RASAL1: variants seen among roughly 807,000 people sequenced by gnomAD.
RASAL1 encodes rasGAP-activating-like protein 1.
Under a neutral mutation model 96.6 loss-of-function variants are expected in RASAL1, and 72 were observed. The ratio of observed to expected loss-of-function variants is 0.75; its 90% CI spans 0.62 to 0.91. The LOEUF (loss-of-function observed/expected upper bound fraction) is 0.91. RASAL1 is among the 40% of genes least tolerant of loss of function. The pLI is 0.00. For missense variants in RASAL1, 1,016 were observed against 1,072.5 expected (o/e 0.95, Z 0.74); for synonymous variants, 405 against 430.4 (o/e 0.94, Z 0.73).
rs1466570475 is a variant in RASAL1, at chr12:113,119,391, A to G, written c.481T>C (p.Phe161Leu). Reference protein sequence around the residue: ...SGTSDPFARVFWGSQSLETST... With the variant: ...SGTSDPFARVLWGSQSLETST... ...GTCTCCAAGCTCTGGCTGCCCCAAA[A>G]CACACGTGCAAATGGGTCAGATGTG... The change falls in exon 6 of 21, where the codon TTT (phenylalanine) becomes CTT (leucine). Residue 161 changes from phenylalanine to leucine, a missense_variant. Phe to Leu is a conservative substitution (Grantham distance 22, BLOSUM62 0). Coordinates refer to ENST00000548055, the MANE Select transcript of RASAL1 (RefSeq NM_001301202.2). The G allele has an allele frequency of 2.5e-5, 41 of 1,611,844 alleles. No individual in the cohort carries two copies. The highest frequency in any genetic ancestry group is 3.2e-5 in the Non-Finnish European group (38 of 1,178,972).
Position 113,130,496 on chromosome 12 carries a change from G to GT in RASAL1, c.122+388_122+389insA, listed in dbSNP as rs1206652574. On this transcript the variant is annotated intron_variant, in intron 2 of 20. Transcript: ENST00000548055. This position sits in a 1 kb window ranked among gnomAD's most constrained non-coding sequence, Gnocchi z 5.1. Reference sequence around the variant, plus strand: ...CCCCTGCAACTCACAAGCAGGCCCAGCTGGGCGGGTGCACACACAGACACA... The same window carrying GT: ...CCCCTGCAACTCACAAGCAGGCCCAGTCTGGGCGGGTGCACACACAGACACA... Among the ~76,000 whole-genome samples, 2 of 152,112 alleles carry GT rather than the reference G, an allele frequency of 1.3e-5. No individual in the cohort carries two copies. The highest frequency in any genetic ancestry group is 3.9e-4 in the East Asian group (2 of 5,180).
intron 18 of RASAL1, 23 bp downstream of exon 18, chr12:113,103,922 CT>C (rs758792832): frequency 1.8e-5 from 28 of 1,545,650 alleles, no homozygotes; most frequent in Non-Finnish European, 5.2e-6. Flanking sequence ...AGGGCGGAGC[CT>C]GCAGTCCGCC....
intron 14 of RASAL1, among the ~76,000 whole-genome samples, chr12:113,107,864 C>G (rs2136128638): frequency 6.6e-6 from 1 of 152,330 alleles, no homozygotes; most frequent in African/African-American, 2.4e-5. Flanking sequence ...CTGTTTTCCA[C>G]TTTCCTTCTG....
intron 15 of RASAL1, 73 bp downstream of exon 15, chr12:113,107,024 G>A (rs1950669648): frequency 2.0e-6 from 3 of 1,467,782 alleles, no homozygotes; most frequent in South Asian, 2.6e-5. Flanking sequence ...AGCTGGAGGG[G>A]GAAAGGGGAA....
intron 4 of RASAL1, among the ~76,000 whole-genome samples, chr12:113,124,209 C>T (rs138820670): frequency 9.0e-6 from 1 of 111,548 alleles, no homozygotes; most frequent in African/African-American, 3.6e-5. Flanking sequence ...TAGAGCGAGA[C>T]TCTGTCTCAA....
In RASAL1 at chr12:113,115,262, C is replaced by A. The variant is rs377321618; in HGVS notation, c.1006G>T (p.Asp336Tyr). The stretch of plus-strand genomic sequence containing the variant: ...TTAGAACGGAAGAGGGTGTTGGGGT[C>A]CACTGGGAGGACAGGAGGAAGTGTT... ...LTRREVARTM[D>Y]PNTLFRSNSL... The change falls in exon 11 of 21, where the codon GAC (aspartate) becomes TAC (tyrosine). Residue 336 changes from aspartate (D) to tyrosine (Y), a missense_variant and splice_region_variant. Asp to Tyr is a radical substitution (Grantham distance 160). Transcript: ENST00000548055. The surrounding 1 kb of genome is among the most constrained non-coding windows in gnomAD (Gnocchi z 4.1). The A allele has an allele frequency of 9.9e-6, 16 of 1,613,190 alleles. No individual in the cohort carries two copies. The highest frequency in any genetic ancestry group is 1.4e-5 in the Non-Finnish European group (16 of 1,179,174).
At chr12:113,103,167 T>C (rs1950510378) in intron 18 of RASAL1, 2 of 157,696 alleles carry the variant, frequency 1.3e-5, no homozygotes, top group Admixed American at 6.6e-5. Context: ...AATAACAATG[T>C]CATTATTTTA....
At chr12:113,100,444 G>A (rs565935138) in intron 20 of RASAL1, among the ~76,000 whole-genome samples, 184 bp downstream of exon 20, 1 of 152,234 alleles carries the variant, frequency 6.6e-6, no homozygotes, top group Non-Finnish European at 1.5e-5. Flanking sequence ...GATCACAGGT[G>A]TGCACCACCA....
chr12:113,119,154 C>A lies in RASAL1; in HGVS notation c.616G>T (p.Val206Leu), dbSNP rs1225605732. The A allele has an allele frequency of 6.2e-7, 1 of 1,612,664 alleles. No homozygotes were observed. The highest frequency in any genetic ancestry group is 1.3e-5 in the African/African-American group (1 of 74,900). The change falls in exon 7 of 21, where the codon GTG becomes TTG. Residue 206 changes from valine (V) to leucine (L), a missense_variant. Transcript: ENST00000548055. The part of the protein sequence containing the change: ...LRVELWDWDM[V>L]GKNDFLGMVE... Reference sequence around the variant, plus strand: ...ATGCCCAAGAAGTCATTCTTGCCCACCATGTCCCAGTCCCAGAGCTCCACC... The same window carrying A: ...ATGCCCAAGAAGTCATTCTTGCCCAACATGTCCCAGTCCCAGAGCTCCACC...
At chr12:113,110,220 G>A (rs539195054) in intron 13 of RASAL1, among the ~76,000 whole-genome samples, 2 of 152,198 alleles carry the variant, frequency 1.3e-5, no homozygotes, top group Non-Finnish European at 2.9e-5. Context: ...GGAGGGGGAG[G>A]AGGGGAGAGA....
chr12:113,128,233 C>T (rs1951567060), intron 2 of RASAL1, 55 bp from the exon 3 acceptor site: 10 of 986,476 alleles, frequency 1.0e-5, no homozygotes, highest in Non-Finnish European at 1.6e-5. Flanking sequence ...GAGGCAGACA[C>T]CTGGAGACCC....
chr12:113,101,569 T>C (rs911361572), intron 19 of RASAL1, among the ~76,000 whole-genome samples: 14 of 152,184 alleles, frequency 9.2e-5, no homozygotes, highest in African/African-American at 3.1e-4. Flanking sequence ...GTGATCCTCA[T>C]GCCAGGAAGG....
At position 113,135,380 on chromosome 12, in the gene RASAL1, C is replaced by G. The variant is rs1303283555; in HGVS notation, c.65+18G>C. ...GCCTTGCGCGCCCCTCACCCAGAAG[C>G]GCCCGAGGAGTACTCACACGTCCTT... On this transcript the variant is annotated intron_variant, in intron 1 of 20. Coordinates refer to ENST00000548055, the MANE Select transcript of RASAL1 (RefSeq NM_001301202.2). The surrounding 1 kb of genome is among the most constrained non-coding windows in gnomAD (Gnocchi z 5.7). The G allele has an allele frequency of 1.9e-6, 3 of 1,602,074 alleles. No homozygotes were observed. The highest frequency in any genetic ancestry group is 1.3e-5 in the African/African-American group (1 of 74,530).
intron 15 of RASAL1, among the ~76,000 whole-genome samples, chr12:113,106,384 A>T (rs1613990): frequency 0.79 from 120,235 of 152,226 alleles, 47,534 homozygotes; most frequent in Admixed American, 0.84. Flanking sequence ...GCTACAAATC[A>T]TCCTGTGATT....
intron 19 of RASAL1, 58 bp from the exon 20 acceptor site, chr12:113,100,738 A>G (rs1950415491): frequency 6.8e-7 from 1 of 1,471,710 alleles, no homozygotes; most frequent in Non-Finnish European, 9.5e-7. Flanking sequence ...CCTGCTTCCT[A>G]CCCCAGAAAT....
chr12:113,119,484 CA>C (rs746281534), intron 5 of RASAL1, 41 bp from the exon 6 acceptor site: 205 of 1,553,258 alleles, frequency 1.3e-4, no homozygotes, highest in Non-Finnish European at 1.6e-4. Flanking sequence ...ACACGGCACC[CA>C]AGTTGGGCCT....
chr12:113,107,965 G>T, intron 14 of RASAL1, 120 bp downstream of exon 14: 3 of 1,172,452 alleles, frequency 2.6e-6, no homozygotes, highest in South Asian at 1.7e-5. Context: ...TGGTGTTTCA[G>T]ACTTGGGTTT....
At chr12:113,127,739 C>T (rs1283251382) in intron 4 of RASAL1, 73 bp downstream of exon 4, 1 of 1,283,976 alleles carries the variant, frequency 7.8e-7, no homozygotes, top group Non-Finnish European at 1.1e-6. Flanking sequence ...TTCACCGTGC[C>T]ATGTGCTATG....
At chr12:113,103,851 T>C (rs1359619566) in intron 18 of RASAL1, 95 bp downstream of exon 18, 4 of 1,503,432 alleles carry the variant, frequency 2.7e-6, no homozygotes, top group Non-Finnish European at 3.6e-6. Flanking sequence ...TTGAGTAACT[T>C]GCCCAAGGTT....
Sources: allele counts gnomAD v4.1 joint callset (sites outside exome capture counted in the v4.1 genomes callset), GRCh38; gene constraint gnomAD v4.1.1; non-coding constraint Gnocchi (gnomAD v3.1); transcripts MANE v1.5; gene names NCBI Gene and HGNC (gene_info 2026-07-23, HGNC 2026-07-21).